The following SYCP2 variants were observed in gnomAD, a reference collection of about 807,000 sequenced individuals.
SYCP2 encodes the protein synaptonemal complex lateral element protein.
In SYCP2, 55 loss-of-function variants were observed where a neutral mutation model predicts 211.3. The observed-to-expected ratio is 0.26, with a 90% CI of 0.21 to 0.33. The LOEUF is 0.33. SYCP2 is among the 10% of genes least tolerant of loss of function. SYCP2 has a pLI of 1.00. For synonymous variants in SYCP2, 570 were observed against 555.2 expected, an observed-to-expected ratio of 1.03 and a Z score of -0.37; for missense variants, 1,731 against 1,752.0, an observed-to-expected ratio of 0.99 and a Z score of 0.21.
chr20:59,864,539 A>G (rs563819326), intron 44 of SYCP2, 151 bp from the exon 45 acceptor site: 2 of 584,814 alleles, frequency 3.4e-6, no homozygotes, highest in African/African-American at 3.8e-5. Context: ...ACAGGTCTAC[A>G]GATATCCACA....
chr20:59,891,332 G>GT (rs1392416715), intron 24 of SYCP2, among the ~76,000 whole-genome samples: 1 of 151,840 alleles, frequency 6.6e-6, no homozygotes, highest in Non-Finnish European at 1.5e-5. Context: ...TGATTTACCC[G>GT]TAACTGTTAC....
chr20:59,888,774 T>A (rs897744998), intron 24 of SYCP2, among the ~76,000 whole-genome samples: 2 of 152,056 alleles, frequency 1.3e-5, no homozygotes, highest in Non-Finnish European at 2.9e-5. Context: ...CTACTGGAAG[T>A]AATAAGCAAT....
At chr20:59,917,756 T>C (rs948931502) in intron 7 of SYCP2, among the ~76,000 whole-genome samples, 7 of 152,176 alleles carry the variant, frequency 4.6e-5, no homozygotes, top group East Asian at 1.9e-4. Flanking sequence ...CTAAAATAAG[T>C]TGGATCTGAT....
At chr20:59,899,609 G>A (rs1420776354) in intron 18 of SYCP2, among the ~76,000 whole-genome samples, 2 of 152,124 alleles carry the variant, frequency 1.3e-5, no homozygotes, top group East Asian at 3.9e-4. Flanking sequence ...GGGAACCGTG[G>A]TATACAATGG....
chr20:59,865,991 A>C (rs1356756816), intron 41 of SYCP2, 126 bp from the exon 42 acceptor site: 1 of 453,194 alleles, frequency 2.2e-6, no homozygotes, highest in African/African-American at 2.0e-5. Flanking sequence ...TATTATTACA[A>C]ATTTAAATAA....
chr20:59,919,864 C>T (rs997194601), intron 5 of SYCP2, among the ~76,000 whole-genome samples: 5 of 150,976 alleles, frequency 3.3e-5, no homozygotes, highest in East Asian at 3.9e-4. Flanking sequence ...AGTTAGGGTA[C>T]GTTTATTATA....
Position 59,900,098 on chromosome 20 carries a change from A to G in SYCP2, c.1404+40T>C, listed in dbSNP as rs202220696. 1.6e-3 allele frequency: 2,478 copies of G among 1,595,568 alleles called. 22 individuals are homozygous for G. The highest frequency in any genetic ancestry group is 7.3e-3 in the Middle Eastern group (44 of 6,010). On this transcript the variant is annotated intron_variant, in intron 18 of 44. Coordinates refer to ENST00000357552, the MANE Select transcript of SYCP2 (RefSeq NM_014258.4). ...CTCATATATAACAGTGATTTGATCA[A>G]TGGTAGTTTTATAAGCCAGTATTTT...
chr20:59,866,567 T>C lies in SYCP2; in HGVS notation c.4148A>G (p.Tyr1383Cys), dbSNP rs2059340628. ...TGTTTTCCAAGACTGCGTAGTAAAA[T>C]AACTCAACATTTTATGTCGGATCTG... ...RNNIRHKMLS[Y>C]FTTQSWKTAQ... is the part of the protein sequence containing the mutation. Residue 1383 changes from tyrosine to cysteine, a missense_variant, in exon 40 of 45, where the codon TAT becomes TGT. Coordinates refer to ENST00000357552, the MANE Select transcript of SYCP2 (RefSeq NM_014258.4). 6.3e-7 allele frequency: 1 copy of C among 1,597,222 alleles called. No individual in the cohort carries two copies. The highest frequency in any genetic ancestry group is 1.4e-5 in the African/African-American group (1 of 73,690).
At chr20:59,921,905 A>C (rs989655289) in intron 3 of SYCP2, among the ~76,000 whole-genome samples, 2 of 151,638 alleles carry the variant, frequency 1.3e-5, no homozygotes, top group East Asian at 3.8e-4. Context: ...TAAATTAAGC[A>C]TTACCATTAT....
intron 10 of SYCP2, among the ~76,000 whole-genome samples, chr20:59,914,872 TATTA>T (rs778099012): frequency 5.9e-5 from 9 of 151,948 alleles, no homozygotes; most frequent in Non-Finnish European, 8.8e-5. Flanking sequence ...ATTTAAGCTT[TATTA>T]ATTAAGCTAT....
chr20:59,892,551 A>G lies in SYCP2; in HGVS notation c.1927+17T>C. 1.3e-6 allele frequency: 2 copies of G among 1,596,184 alleles called. No homozygotes were observed. Among genetic ancestry groups the G allele is most frequent in the Non-Finnish European group, 1.7e-6 (2 of 1,173,958 alleles). The stretch of plus-strand genomic sequence containing the variant: ...ATTAACACTGAACTATTACATATAG[A>G]TAAAACTAAGTTTCACCTTGATTCA... On this transcript the variant is annotated intron_variant, in intron 23 of 44. Coordinates refer to ENST00000357552, the MANE Select transcript of SYCP2 (RefSeq NM_014258.4).
At chr20:59,867,534 C>G (rs992480149) in intron 39 of SYCP2, among the ~76,000 whole-genome samples, 177 bp downstream of exon 39, 3 of 150,024 alleles carry the variant, frequency 2.0e-5, no homozygotes, top group Non-Finnish European at 4.4e-5. Flanking sequence ...AAAGTAGTAG[C>G]AAAAGAAAGA....
At position 59,919,151 on chromosome 20, in the gene SYCP2, AT is replaced by A; in HGVS notation, c.427+6del. On this transcript the variant is annotated splice_donor_region_variant and intron_variant, in intron 7 of 44. Coordinates refer to ENST00000357552, the MANE Select transcript of SYCP2 (RefSeq NM_014258.4). ...TTGTTCCAATAGAAAATAAGTGTTT[AT>A]TATACCTTCATCACTGACATCATGT... 1.6e-6 allele frequency: 2 copies of A among 1,264,648 alleles called. No homozygotes were observed. Among genetic ancestry groups the A allele is most frequent in the Non-Finnish European group, 2.2e-6 (2 of 889,050 alleles). 78.3% of individuals were successfully genotyped at this position (1,264,648 alleles called of 1,614,324 possible).
intron 15 of SYCP2, among the ~76,000 whole-genome samples, chr20:59,903,282 G>A (rs75205495): frequency 0.019 from 2,954 of 152,080 alleles, 40 homozygotes; most frequent in Middle Eastern, 0.041. Flanking sequence ...TTTGTTGCTT[G>A]CTATAAAATC....
chr20:59,886,866 T>A, intron 24 of SYCP2, 32 bp from the exon 25 acceptor site: 1 of 1,510,032 alleles, frequency 6.6e-7, no homozygotes. Context: ...TTTTAAACTC[T>A]ACCAGTTAAT....
chr20:59,892,426 T>A lies in SYCP2; in HGVS notation c.1928A>T (p.Asp643Val), dbSNP rs2059924669. The change falls in exon 24 of 45, where the codon GAT (aspartate) becomes GTT (valine). Residue 643 changes from aspartate (D) to valine (V), a missense_variant and splice_region_variant. Physicochemically the swap from Asp to Val is radical, Grantham distance 152 (BLOSUM62 -3). Around this residue, in one of 3 missense-constraint regions of SYCP2, gnomAD observed 1,387 missense variants for 1,351.3 expected, o/e 1.03. Coordinates refer to ENST00000357552, the MANE Select transcript of SYCP2 (RefSeq NM_014258.4). Reference protein sequence around the residue: ...STSSGDTLNQDIVINKKLTKQ... With the variant: ...STSSGDTLNQVIVINKKLTKQ... ...AGTAAGTTTTTTATTTATAACAATA[T>A]CTATTGGGGAAAATGAGAAATTAAT... 1.2e-5 allele frequency: 18 copies of A among 1,482,568 alleles called. No homozygotes were observed. Among genetic ancestry groups the A allele is most frequent in the Non-Finnish European group, 1.5e-5 (17 of 1,098,310 alleles). The allele number at this position is 1,482,568 out of a possible 1,614,324, so 91.8% of individuals were successfully genotyped here.
intron 15 of SYCP2, among the ~76,000 whole-genome samples, chr20:59,906,726 G>GA (rs755387188): frequency 1.3e-4 from 20 of 151,882 alleles, no homozygotes; most frequent in Non-Finnish European, 2.2e-4. Flanking sequence ...ATATCATTAA[G>GA]AAAATGAATA....
intron 15 of SYCP2, among the ~76,000 whole-genome samples, chr20:59,903,394 G>A (rs900734750): frequency 6.6e-6 from 1 of 152,064 alleles, no homozygotes; most frequent in Non-Finnish European, 1.5e-5. Context: ...AGCTATGAAT[G>A]GGGAGAAAAA....
At chr20:59,866,998 T>G (rs1446464567) in intron 39 of SYCP2, among the ~76,000 whole-genome samples, 1 of 130,938 alleles carries the variant, frequency 7.6e-6, no homozygotes, top group Non-Finnish European at 1.6e-5. Context: ...CTATTCAGAT[T>G]AGGTTGGCCT....
Sources: gnomAD v4.1 joint callset for allele counts (sites outside exome capture counted in the v4.1 genomes callset) on GRCh38, gnomAD v4.1.1 for gene constraint, gnomAD v4.1.1 regional missense constraint, MANE v1.5 for transcripts, NCBI Gene and HGNC (gene_info 2026-07-23, HGNC 2026-07-21) for gene names.